SATB2: variants seen among roughly 807,000 people sequenced by gnomAD.
The protein encoded by SATB2 is DNA-binding protein SATB2.
SATB2 carries 1 observed loss-of-function variant against 73.4 expected under a neutral mutation model. That is an observed-to-expected ratio of 0.01 (90% CI 0.00 to 0.06). The LOEUF is 0.06. Ranked by LOEUF, SATB2 falls within the 10% of genes least tolerant of loss-of-function variation. The pLI is 1.00. For synonymous variants in SATB2, 397 were observed against 367.0 expected (o/e 1.08, Z -0.93); for missense variants, 459 against 945.8 (o/e 0.49, Z 6.75).
At chr2:199,421,279 G>T (rs1444156975) in intron 3 of SATB2, among the ~76,000 whole-genome samples, 1 of 152,174 alleles carries the variant, frequency 6.6e-6, no homozygotes, top group East Asian at 1.9e-4. Flanking sequence ...GAGACAGAGA[G>T]ATGCTTATCT....
At chr2:199,363,206 T>C (rs1332891451) in intron 6 of SATB2, among the ~76,000 whole-genome samples, 1 of 152,192 alleles carries the variant, frequency 6.6e-6, no homozygotes, top group Non-Finnish European at 1.5e-5. Flanking sequence ...CAAGCAAGCA[T>C]AGGTGATCTA....
chr2:199,413,109 G>A (rs1007603163), intron 3 of SATB2, among the ~76,000 whole-genome samples: 5 of 152,038 alleles, frequency 3.3e-5, no homozygotes, highest in Admixed American at 6.6e-5. Flanking sequence ...CTCAAATTAG[G>A]AGAAAACATT....
chr2:199,342,866 A>C (rs1190093248), intron 7 of SATB2, among the ~76,000 whole-genome samples: 2 of 152,172 alleles, frequency 1.3e-5, no homozygotes, highest in Non-Finnish European at 2.9e-5. Flanking sequence ...AACTAAAAAG[A>C]AGCTCTTGAA....
intron 2 of SATB2, among the ~76,000 whole-genome samples, chr2:199,452,024 G>T (rs1375394527): frequency 6.6e-6 from 1 of 151,830 alleles, no homozygotes; most frequent in Admixed American, 6.6e-5. Flanking sequence ...AAATAAGCAA[G>T]TTTTTTTAAT....
Position 199,320,587 on chromosome 2 carries a change from T to A in SATB2, c.1542+3216A>T, listed in dbSNP as rs560050638. Among the ~76,000 whole-genome samples, 19 of 152,138 alleles carry A rather than the reference T, an allele frequency of 1.2e-4. No individual in the cohort carries two copies. The South Asian group carries it at 3.7e-3, about 30-fold the overall frequency. The stretch of plus-strand genomic sequence containing the variant: ...GGTGGTCTGGGACCCTACAAATGCA[T>A]CCTCATGTAACCCATACACTAGGGA... On this transcript the variant is annotated intron_variant, in intron 9 of 10. Coordinates refer to ENST00000417098, the MANE Select transcript of SATB2 (RefSeq NM_001172509.2).
rs1283962528 is a variant in SATB2, at chr2:199,348,810, T to C, written c.1064A>G (p.Asn355Ser). 1.9e-6 allele frequency: 3 copies of C among 1,612,514 alleles called. No individual in the cohort carries two copies. The highest frequency in any genetic ancestry group is 8.5e-7 in the Non-Finnish European group (1 of 1,178,854). Residue 355 changes from asparagine (N) to serine (S), a missense_variant, in exon 7 of 11, where the codon AAC (asparagine) becomes AGC (serine). Asn to Ser is a conservative substitution (Grantham distance 46). This residue lies in a region of SATB2 where 35 missense variants were observed against 55.3 expected (regional missense o/e 0.63). Coordinates refer to ENST00000417098, the MANE Select transcript of SATB2 (RefSeq NM_001172509.2). Reference sequence around the variant, plus strand: ...ATCTGGAGAGACTTCCACGGAAGAGTTGGTTGGCTCTGGCTTAACTGCTCT... The same window carrying C: ...ATCTGGAGAGACTTCCACGGAAGAGCTGGTTGGCTCTGGCTTAACTGCTCT... ...IPRAVKPEPT[N>S]SSVEVSPDIY...
chr2:199,407,205 G>C (rs1224647308), intron 3 of SATB2, among the ~76,000 whole-genome samples: 2 of 145,482 alleles, frequency 1.4e-5, no homozygotes, highest in African/African-American at 5.1e-5. Context: ...AGAATCACTT[G>C]AACCCGGGAG....
At chr2:199,392,342 AG>A (rs1182449874) in intron 3 of SATB2, among the ~76,000 whole-genome samples, 1 of 152,168 alleles carries the variant, frequency 6.6e-6, no homozygotes, top group Non-Finnish European at 1.5e-5. Flanking sequence ...AGTAGGGCTA[AG>A]GTGCACTGTA....
intron 3 of SATB2, among the ~76,000 whole-genome samples, chr2:199,407,235 G>A (rs1690658492): frequency 7.5e-6 from 1 of 134,220 alleles, no homozygotes; most frequent in South Asian, 2.5e-4. Context: ...GCAGTGAACT[G>A]AAATGGCACC....
chr2:199,433,626 G>T, intron 2 of SATB2, 112 bp from the exon 3 acceptor site: 1 of 1,003,138 alleles, frequency 1.0e-6, no homozygotes, highest in Non-Finnish European at 1.6e-6. Context: ...GATCGACAGT[G>T]GTTTAGATTA....
intron 1 of SATB2, 107 bp from the exon 2 acceptor site, chr2:199,456,203 C>CA (rs1312040213): frequency 1.4e-6 from 1 of 725,204 alleles, no homozygotes; most frequent in Non-Finnish European, 2.3e-6. Context: ...ACCACAGCCA[C>CA]ACAAACTTCC....
At chr2:199,282,744 T>C (rs887532394) in intron 10 of SATB2, among the ~76,000 whole-genome samples, 2 of 152,198 alleles carry the variant, frequency 1.3e-5, no homozygotes, top group East Asian at 1.9e-4. Context: ...ATGCTTATTA[T>C]AAAAGCAACA....
At chr2:199,338,820 G>A (rs1371051023) in intron 7 of SATB2, among the ~76,000 whole-genome samples, 1 of 151,794 alleles carries the variant, frequency 6.6e-6, no homozygotes, top group Non-Finnish European at 1.5e-5. Context: ...GGGAGGCTGA[G>A]GTGGGAGAAT....
At chr2:199,352,490 T>G (rs942319064) in intron 6 of SATB2, among the ~76,000 whole-genome samples, 1 of 152,200 alleles carries the variant, frequency 6.6e-6, no homozygotes, top group Non-Finnish European at 1.5e-5. Context: ...CTTTCTATCC[T>G]TATGAGTTTC....
At chr2:199,381,350 T>C (rs1384121441) in intron 4 of SATB2, among the ~76,000 whole-genome samples, 2 of 152,158 alleles carry the variant, frequency 1.3e-5, no homozygotes, top group Admixed American at 6.5e-5. Flanking sequence ...ATTCTTCAAA[T>C]ACTATGTGCT....
chr2:199,426,758 T>C (rs1252163559), intron 3 of SATB2, among the ~76,000 whole-genome samples: 1 of 151,804 alleles, frequency 6.6e-6, no homozygotes, highest in African/African-American at 2.4e-5. Flanking sequence ...AAGGTGAATT[T>C]CTGAATTCCT....
At chr2:199,461,564 T>C (rs1438309124), upstream of SATB2, among the ~76,000 whole-genome samples, 1 of 152,226 alleles carries the variant, frequency 6.6e-6, no homozygotes, top group Non-Finnish European at 1.5e-5. Context: ...CATTAGGAGA[T>C]AGTTTGCTTC....
chr2:199,389,196 G>C (rs1690050531), intron 3 of SATB2, among the ~76,000 whole-genome samples: 1 of 152,110 alleles, frequency 6.6e-6, no homozygotes, highest in Non-Finnish European at 1.5e-5. Flanking sequence ...AGAAAAAAAG[G>C]TGAAACAAAA....
At chr2:199,424,283 C>T (rs78775450) in intron 3 of SATB2, among the ~76,000 whole-genome samples, 4,434 of 152,200 alleles carry the variant, frequency 0.029, 240 homozygotes, top group African/African-American at 0.1. Context: ...ATCACAGTCA[C>T]GCAAAATCTA....
Sources: gnomAD v4.1 joint callset for allele counts (sites outside exome capture counted in the v4.1 genomes callset) on GRCh38, gnomAD v4.1.1 for gene constraint, gnomAD v4.1.1 regional missense constraint, MANE v1.5 for transcripts, NCBI Gene and HGNC (gene_info 2026-07-23, HGNC 2026-07-21) for gene names.